ATRNL1: variants seen among roughly 807,000 people sequenced by gnomAD.
ATRNL1 encodes attractin like 1.
Under a neutral mutation model 182.7 loss-of-function variants are expected in ATRNL1, and 95 were observed. That is an observed-to-expected ratio of 0.52 (90% CI 0.44 to 0.62). ATRNL1 has a LOEUF of 0.62. Among genes scored for constraint, ATRNL1 ranks in the 20% least tolerant of loss-of-function variants. The pLI is 0.00. For missense variants in ATRNL1, 1,471 were observed against 1,679.5 expected, an observed-to-expected ratio of 0.88 and a Z score of 2.17; for synonymous variants, 576 against 568.3, an observed-to-expected ratio of 1.01 and a Z score of -0.19.
chr10:115,350,341 A>AAAAAAAAAAAAAAAT (rs1856182795), intron 19 of ATRNL1, among the ~76,000 whole-genome samples: 1 of 139,556 alleles, frequency 7.2e-6, no homozygotes, highest in Non-Finnish European at 1.6e-5. Context: ...TCTCAAAAAA[A>AAAAAAAAAAAAAAAT]AAAAGAAAAA....
chr10:115,900,950 G>A (rs1952333806), intron 28 of ATRNL1, among the ~76,000 whole-genome samples: 1 of 152,166 alleles, frequency 6.6e-6, no homozygotes, highest in Admixed American at 6.5e-5. Context: ...TCAGTGAAAT[G>A]CAAATTATAG....
intron 26 of ATRNL1, among the ~76,000 whole-genome samples, chr10:115,641,700 A>G (rs1379042340): frequency 2.6e-5 from 4 of 152,114 alleles, no homozygotes; most frequent in African/African-American, 9.7e-5. Flanking sequence ...TAAACCTTTT[A>G]TGTTAAAATT....
chr10:115,827,153 G>C (rs1950453407), intron 27 of ATRNL1, among the ~76,000 whole-genome samples: 1 of 152,202 alleles, frequency 6.6e-6, no homozygotes, highest in Admixed American at 6.5e-5. Flanking sequence ...CAAAGCCAGA[G>C]GTCTAGAAGA....
chr10:115,902,219 C>T (rs141915484), intron 28 of ATRNL1, among the ~76,000 whole-genome samples: 491 of 152,220 alleles, frequency 3.2e-3, no homozygotes, highest in African/African-American at 0.011. Context: ...TATTCTGCCC[C>T]ATGCTCTGCA....
intron 24 of ATRNL1, among the ~76,000 whole-genome samples, chr10:115,478,462 C>T (rs1848626952): frequency 6.6e-6 from 1 of 151,772 alleles, no homozygotes; most frequent in Non-Finnish European, 1.5e-5. Context: ...TTCCCTGCCA[C>T]ATGGCCCTCT....
chr10:115,237,577 C>T (rs189756292), intron 9 of ATRNL1, among the ~76,000 whole-genome samples: 239 of 152,120 alleles, frequency 1.6e-3, no homozygotes, highest in African/African-American at 5.4e-3. Flanking sequence ...TAAAATTGAG[C>T]TTGTTTTTTA....
intron 8 of ATRNL1, among the ~76,000 whole-genome samples, chr10:115,207,501 A>G: frequency 6.6e-6 from 1 of 151,920 alleles, no homozygotes; most frequent in Admixed American, 6.6e-5. Flanking sequence ...CATTCAGCCC[A>G]AGGAATTTTG....
chr10:115,538,867 T>G (rs555187808), intron 25 of ATRNL1, among the ~76,000 whole-genome samples: 5 of 152,218 alleles, frequency 3.3e-5, no homozygotes, highest in Non-Finnish European at 7.4e-5. Flanking sequence ...ATGATGGTAC[T>G]TATAAGATTA....
At chr10:115,169,309 C>T (rs1474175394) in intron 7 of ATRNL1, among the ~76,000 whole-genome samples, 1 of 150,550 alleles carries the variant, frequency 6.6e-6, no homozygotes, top group African/African-American at 2.4e-5. Flanking sequence ...TGGGTTCAAG[C>T]GATTGTCCTG....
chr10:115,195,085 G>C (rs1848310357), intron 8 of ATRNL1, among the ~76,000 whole-genome samples: 2 of 151,922 alleles, frequency 1.3e-5, no homozygotes, highest in Admixed American at 1.3e-4. Flanking sequence ...GTAGTTTTTA[G>C]TTTTGATTGG....
chr10:115,811,520 A>G (rs1269055989), intron 27 of ATRNL1, among the ~76,000 whole-genome samples: 1 of 151,968 alleles, frequency 6.6e-6, no homozygotes, highest in Non-Finnish European at 1.5e-5. Flanking sequence ...ACTTAGTTCT[A>G]TATTCTTACT....
At chr10:115,274,019 A>G (rs1851990861) in intron 13 of ATRNL1, among the ~76,000 whole-genome samples, 2 of 152,236 alleles carry the variant, frequency 1.3e-5, no homozygotes, top group Non-Finnish European at 1.5e-5. Context: ...AAGGCCCAGT[A>G]GCAGACTAAG....
chr10:115,227,254 G>T (rs1849739761), intron 9 of ATRNL1, among the ~76,000 whole-genome samples: 1 of 152,054 alleles, frequency 6.6e-6, no homozygotes, highest in Admixed American at 6.6e-5. Flanking sequence ...TAAAAAATGG[G>T]CAAAGGACAT....
At chr10:115,600,909 G>A (rs560195003) in intron 26 of ATRNL1, among the ~76,000 whole-genome samples, 1 of 139,862 alleles carries the variant, frequency 7.1e-6, no homozygotes, top group South Asian at 2.3e-4. Context: ...TGTAAAGTAA[G>A]GATTGAGGTT....
Position 115,394,765 on chromosome 10 carries a change from G to T in ATRNL1, c.3269+13G>T. 1 of 1,555,714 alleles carries T rather than the reference G, an allele frequency of 6.4e-7. No homozygotes were observed. The highest frequency in any genetic ancestry group is 8.7e-7 in the Non-Finnish European group (1 of 1,145,132). ...ACCAATGCCAATTGTAAGTAAGAATGACTTTTTAGAACTTTCGTGGATTGA... is the reference window on the plus strand; with the variant it reads ...ACCAATGCCAATTGTAAGTAAGAATTACTTTTTAGAACTTTCGTGGATTGA... On this transcript the variant is annotated intron_variant, in intron 20 of 28. Transcript: ENST00000355044.
chr10:115,234,721 A>T (rs1037587166), intron 9 of ATRNL1, among the ~76,000 whole-genome samples: 2 of 151,190 alleles, frequency 1.3e-5, no homozygotes, highest in Non-Finnish European at 2.9e-5. Flanking sequence ...CTCCCGAGTC[A>T]CTGGGACCCC....
At chr10:115,150,242 G>A (rs1244844756) in intron 5 of ATRNL1, among the ~76,000 whole-genome samples, 1 of 149,366 alleles carries the variant, frequency 6.7e-6, no homozygotes, top group Non-Finnish European at 1.5e-5. Context: ...ATTTTTTTTT[G>A]TTGTTGTTGC....
intron 20 of ATRNL1, among the ~76,000 whole-genome samples, chr10:115,410,342 T>A (rs79536545): frequency 6.6e-6 from 1 of 151,358 alleles, no homozygotes; most frequent in Non-Finnish European, 1.5e-5. Context: ...TTTTTTTTTT[T>A]AACAGAGTCT....
intron 24 of ATRNL1, among the ~76,000 whole-genome samples, chr10:115,485,777 G>A (rs1343174785): frequency 1.3e-5 from 2 of 151,788 alleles, no homozygotes; most frequent in Non-Finnish European, 2.9e-5. Context: ...AATTTCTGGG[G>A]TACATGTGCA....
Sources: gnomAD v4.1 joint callset for allele counts (sites outside exome capture counted in the v4.1 genomes callset) on GRCh38, gnomAD v4.1.1 for gene constraint, MANE v1.5 for transcripts, NCBI Gene and HGNC (gene_info 2026-07-23, HGNC 2026-07-21) for gene names.